Variants in KCNN2 observed in about 807,000 individuals in gnomAD.
The protein encoded by KCNN2 is potassium calcium-activated channel subfamily N member 2.
In KCNN2, 24 loss-of-function variants were observed where a neutral mutation model predicts 55.5. The observed-to-expected ratio is 0.43, with a 90% CI of 0.31 to 0.61. The LOEUF (loss-of-function observed/expected upper bound fraction) is 0.61. KCNN2 is among the 20% of genes least tolerant of loss of function. KCNN2 has a pLI of 0.08. For synonymous variants in KCNN2, 431 were observed against 336.1 expected, an observed-to-expected ratio of 1.28 and a Z score of -3.09; for missense variants, 754 against 853.6, an observed-to-expected ratio of 0.88 and a Z score of 1.45.
rs550792052 is a variant in KCNN2 at position 114,275,904 on chromosome 5, C to T, written c.-185+54339C>T. ...TTTGTTTGCTCTTGCTTCTCTAGGT[C>T]TTTTAATTGTGAGGTTAGGGTGTCG... On this transcript the variant is annotated intron_variant, in intron 2 of 10. Coordinates refer to the KCNN2 transcript ENST00000512097. Among the ~76,000 whole-genome samples the T allele has an allele frequency of 2.0e-5, 3 of 152,040 alleles. No individual in the cohort carries two copies. In the South Asian group the frequency reaches 6.2e-4, roughly 32 times the overall value.
chr5:114,369,778 G>C (rs1424388974), intron 2 of KCNN2, among the ~76,000 whole-genome samples: 1 of 152,026 alleles, frequency 6.6e-6, no homozygotes, highest in Non-Finnish European at 1.5e-5. Flanking sequence ...AAGCTATCCT[G>C]GTGTGTTTAC....
intron 4 of KCNN2, among the ~76,000 whole-genome samples, chr5:114,470,415 G>C (rs1336302410): frequency 6.6e-6 from 1 of 152,130 alleles, no homozygotes; most frequent in Non-Finnish European, 1.5e-5. Flanking sequence ...GTAGTACCTA[G>C]GAGCATATCT....
At chr5:114,198,647 A>G (rs977436138) in intron 1 of KCNN2, among the ~76,000 whole-genome samples, 54 of 152,130 alleles carry the variant, frequency 3.5e-4, no homozygotes, top group African/African-American at 1.2e-3. Context: ...TGAATCGAGT[A>G]GTATTGCTTT....
chr5:114,370,398 C>G (rs1038213424), intron 2 of KCNN2, among the ~76,000 whole-genome samples: 2 of 151,942 alleles, frequency 1.3e-5, no homozygotes, highest in African/African-American at 4.8e-5. Context: ...CAGGAGGGGC[C>G]CTTTCCTCTT....
intron 1 of KCNN2, among the ~76,000 whole-genome samples, chr5:114,116,619 A>G (rs952314751): frequency 2.0e-5 from 3 of 152,170 alleles, no homozygotes; most frequent in Non-Finnish European, 4.4e-5. Context: ...TACTTCGTGC[A>G]TATATTGCTA....
intron 1 of KCNN2, among the ~76,000 whole-genome samples, chr5:114,184,876 C>A (rs1753300907): frequency 6.6e-6 from 1 of 152,140 alleles, no homozygotes; most frequent in Non-Finnish European, 1.5e-5. Context: ...TCACTAAGTA[C>A]AAATTTATTC....
chr5:114,444,545 T>A (rs571919534), intron 3 of KCNN2, among the ~76,000 whole-genome samples: 1 of 152,074 alleles, frequency 6.6e-6, no homozygotes, highest in Non-Finnish European at 1.5e-5. Flanking sequence ...CCAAAAAGAA[T>A]GCTCAATTTG....
At chr5:114,324,367 A>G (rs1180287786) in intron 2 of KCNN2, among the ~76,000 whole-genome samples, 2 of 152,234 alleles carry the variant, frequency 1.3e-5, no homozygotes, top group African/African-American at 2.4e-5. Context: ...GGCCTAATTT[A>G]ATTACACACA....
At chr5:114,474,156 C>G (rs924509935) in intron 5 of KCNN2, among the ~76,000 whole-genome samples, 1 of 152,132 alleles carries the variant, frequency 6.6e-6, no homozygotes. Context: ...TTTTCACTCA[C>G]TCTTGATTTT....
intron 2 of KCNN2, among the ~76,000 whole-genome samples, chr5:114,328,710 C>T (rs1756754187): frequency 6.6e-6 from 1 of 152,130 alleles, no homozygotes; most frequent in East Asian, 1.9e-4. Flanking sequence ...CTGTGGGAAG[C>T]TGAACTTTGG....
At chr5:114,399,778 T>C (rs1446858236) in intron 2 of KCNN2, among the ~76,000 whole-genome samples, 1 of 152,282 alleles carries the variant, frequency 6.6e-6, no homozygotes, top group East Asian at 1.9e-4. Context: ...GATTCCATTT[T>C]GGAACTTGTT....
At chr5:114,430,038 A>G (rs1759745016) in intron 3 of KCNN2, among the ~76,000 whole-genome samples, 1 of 152,020 alleles carries the variant, frequency 6.6e-6, no homozygotes, top group African/African-American at 2.4e-5. Flanking sequence ...ACATTATACT[A>G]AGTCTCGAAG....
chr5:114,418,316 A>G (rs545596763), intron 3 of KCNN2, among the ~76,000 whole-genome samples: 1 of 152,326 alleles, frequency 6.6e-6, no homozygotes, highest in East Asian at 1.9e-4. Context: ...ACTGCAGACA[A>G]ATTGGTCTTG....
chr5:114,290,478 C>T (rs1378457482), intron 2 of KCNN2, among the ~76,000 whole-genome samples: 1 of 151,864 alleles, frequency 6.6e-6, no homozygotes, highest in Non-Finnish European at 1.5e-5. Context: ...TTTGCATCTT[C>T]CCTCTTTTTT....
intron 1 of KCNN2, among the ~76,000 whole-genome samples, chr5:114,090,073 T>C (rs1751103985): frequency 6.6e-6 from 1 of 152,192 alleles, no homozygotes; most frequent in African/African-American, 2.4e-5. Context: ...TAAGAAAATA[T>C]GAATTTCAGT....
chr5:114,134,061 C>G (rs557688527), intron 1 of KCNN2, among the ~76,000 whole-genome samples: 1 of 152,272 alleles, frequency 6.6e-6, no homozygotes, highest in Admixed American at 6.5e-5. Flanking sequence ...CACATGGCAA[C>G]TGGGCCACGG....
rs183633551 is a variant in KCNN2, at chr5:114,393,853, T to C, written c.1219-10585T>C. ...ATATAACACGTTTCTTCATCTTTTA[T>C]TTAATGGCATACTATTCATTTTATG... On this transcript the variant is annotated intron_variant, in intron 2 of 7. Coordinates refer to ENST00000673685, the MANE Select transcript of KCNN2 (RefSeq NM_021614.4). Among the ~76,000 whole-genome samples the C allele has an allele frequency of 7.0e-4, 106 of 152,264 alleles. 1 individual carries two copies. The highest frequency in any genetic ancestry group is 9.0e-4 in the Non-Finnish European group (61 of 67,976).
intron 3 of KCNN2, 76 bp from the exon 4 acceptor site, chr5:114,462,973 G>C: frequency 7.2e-7 from 1 of 1,396,964 alleles, no homozygotes; most frequent in Non-Finnish European, 9.8e-7. Flanking sequence ...TAAATTCGTT[G>C]AATTGAACCA....
At chr5:114,373,824 T>C (rs1225097393) in intron 2 of KCNN2, among the ~76,000 whole-genome samples, 3 of 148,712 alleles carry the variant, frequency 2.0e-5, no homozygotes, top group Non-Finnish European at 3.0e-5. Flanking sequence ...ATGAAACTTA[T>C]GAGAGAGAAC....
Sources: gnomAD v4.1 joint callset for allele counts (sites outside exome capture counted in the v4.1 genomes callset) on GRCh38, gnomAD v4.1.1 for gene constraint, MANE v1.5 for transcripts, NCBI Gene and HGNC (gene_info 2026-07-23, HGNC 2026-07-21) for gene names.